Variants in ADHFE1 observed in about 807,000 individuals in gnomAD.
ADHFE1 encodes alcohol dehydrogenase iron containing 1, also known as hydroxyacid-oxoacid transhydrogenase, mitochondrial.
In ADHFE1, 37 loss-of-function variants were observed where a neutral mutation model predicts 54.8. The observed-to-expected ratio is 0.68, with a 90% CI of 0.52 to 0.89. The LOEUF (loss-of-function observed/expected upper bound fraction) is 0.89. Among genes scored for constraint, ADHFE1 ranks in the 40% least tolerant of loss-of-function variants. The pLI, the probability that ADHFE1 is intolerant of heterozygous loss-of-function variation, is 0.00. For synonymous variants in ADHFE1, 203 were observed against 229.3 expected (o/e 0.89, Z 1.04); for missense variants, 601 against 591.2 (o/e 1.02, Z -0.17).
chr8:66,433,300 G>C (rs1322189043), intron 1 of ADHFE1, among the ~76,000 whole-genome samples: 1 of 152,190 alleles, frequency 6.6e-6, no homozygotes, highest in African/African-American at 2.4e-5. Context: ...GCAGAGAGAA[G>C]AGCAACACCA....
chr8:66,468,561 A>AC lies in ADHFE1; in HGVS notation c.*214dup. 1 of 325,748 alleles carries AC rather than the reference A, an allele frequency of 3.1e-6. No homozygotes were observed. Among genetic ancestry groups the AC allele is most frequent in the Non-Finnish European group, 5.6e-6 (1 of 178,712 alleles). The allele number at this position is 325,748 out of a possible 1,614,324, so 20.2% of individuals were successfully genotyped here. A position where few individuals can be genotyped will look rare whatever the true frequency, so the allele number is the denominator to read the frequency against. On this transcript the variant is annotated 3_prime_UTR_variant, in exon 14 of 14. Transcript: ENST00000396623. ...GCTGGACAAATGACCACTATGTTAG[A>AC]CCCCCAGGCTCGACTTCAGGGGTCA...
Position 66,439,312 on chromosome 8 carries a change from T to C in ADHFE1, c.60-850T>C. 1.0e-6 allele frequency: 1 copy of C among 985,526 alleles called. No homozygotes were observed. Among genetic ancestry groups the C allele is most frequent in the Non-Finnish European group, 1.2e-6 (1 of 830,046 alleles). 61.0% of individuals were successfully genotyped at this position (985,526 alleles called of 1,614,324 possible). ...GACCCAACCACTGGACAAGGTCTTC[T>C]GGGCAACCCAACGAAACATAAAACC... On this transcript the variant is annotated intron_variant, in intron 1 of 13. Coordinates refer to ENST00000396623, the MANE Select transcript of ADHFE1 (RefSeq NM_144650.3). This position sits in a 1 kb window ranked among gnomAD's most constrained non-coding sequence, Gnocchi z 4.4.
chr8:66,458,714 C>T (rs1367492760), intron 12 of ADHFE1, among the ~76,000 whole-genome samples: 2 of 152,180 alleles, frequency 1.3e-5, no homozygotes, highest in African/African-American at 4.8e-5. Flanking sequence ...TTAATGTTAT[C>T]TACACTTAGC....
chr8:66,438,661 A>C lies in ADHFE1; in HGVS notation c.60-1501A>C, dbSNP rs145988376. Reference sequence around the variant, plus strand: ...CAGCAAATGTAGGTCGGGAGGAGAGAGAGGGAGAGTGAGCCCGCCAGAGGG... The same window carrying C: ...CAGCAAATGTAGGTCGGGAGGAGAGCGAGGGAGAGTGAGCCCGCCAGAGGG... On this transcript the variant is annotated intron_variant, in intron 1 of 13. Transcript: ENST00000396623. 6.3e-3 allele frequency among the ~76,000 whole-genome samples: 957 copies of C among 152,090 alleles called. 7 individuals are homozygous for C. The highest frequency in any genetic ancestry group is 0.022 in the African/African-American group (928 of 41,472).
intron 13 of ADHFE1, 81 bp from the exon 14 acceptor site, chr8:66,468,188 C>A: frequency 9.7e-7 from 1 of 1,035,244 alleles, no homozygotes; most frequent in Non-Finnish European, 1.4e-6. Context: ...TTCTTATGAC[C>A]AAGTTAATTT....
chr8:66,447,232 G>A, intron 6 of ADHFE1, 32 bp from the exon 7 acceptor site: 1 of 1,586,760 alleles, frequency 6.3e-7, no homozygotes, highest in Non-Finnish European at 8.6e-7. Flanking sequence ...TTATTTAGAT[G>A]CTTTATTAAA....
intron 6 of ADHFE1, among the ~76,000 whole-genome samples, chr8:66,446,009 T>C (rs1209035748): frequency 6.6e-6 from 1 of 152,368 alleles, no homozygotes. Flanking sequence ...CTGCCATTTT[T>C]ATGGATGCTA....
intron 2 of ADHFE1, among the ~76,000 whole-genome samples, chr8:66,442,374 G>C (rs1269063660): frequency 3.4e-5 from 5 of 148,058 alleles, no homozygotes; most frequent in Admixed American, 2.7e-4. Flanking sequence ...GCAGTGGCGC[G>C]ATCTCGGCTC....
intron 6 of ADHFE1, among the ~76,000 whole-genome samples, chr8:66,446,827 A>G (rs1474655528): frequency 1.3e-5 from 2 of 152,246 alleles, no homozygotes; most frequent in African/African-American, 4.8e-5. Flanking sequence ...ATATACATAC[A>G]TATTAATACA....
chr8:66,432,807 TA>T lies in ADHFE1; in HGVS notation c.59+235del, dbSNP rs1805271706. The T allele has an allele frequency of 4.9e-6, 6 of 1,227,042 alleles. No individual in the cohort carries two copies. In the South Asian group the frequency reaches 1.7e-4, roughly 35 times the overall value. The allele number at this position is 1,227,042 out of a possible 1,614,324, so 76.0% of individuals were successfully genotyped here. A position where few individuals can be genotyped will look rare whatever the true frequency, so the allele number is the denominator to read the frequency against. On this transcript the variant is annotated intron_variant, in intron 1 of 13. Transcript: ENST00000396623. ...AGCCTTTACTCTGCTTGTCTACCGT[TA>T]AAGAAACTGAGGCCCAGAGAGGACC... is the stretch of plus-strand genomic sequence containing the variant.
At chr8:66,453,334 C>T (rs1264067406) in intron 9 of ADHFE1, among the ~76,000 whole-genome samples, 1 of 152,132 alleles carries the variant, frequency 6.6e-6, no homozygotes, top group African/African-American at 2.4e-5. Flanking sequence ...AAAGGCTGTG[C>T]TTTTTTATTT....
intron 13 of ADHFE1, among the ~76,000 whole-genome samples, chr8:66,466,236 A>ATT (rs575459850): frequency 4.2e-5 from 5 of 119,646 alleles, no homozygotes; most frequent in Non-Finnish European, 6.7e-5. Flanking sequence ...ACCCAGCTGA[A>ATT]TTTTTTTTTT....
intron 13 of ADHFE1, among the ~76,000 whole-genome samples, chr8:66,466,553 A>ATACTG (rs200068965): frequency 1.3e-5 from 2 of 151,610 alleles, no homozygotes; most frequent in Non-Finnish European, 2.9e-5. Context: ...TACCAGACAA[A>ATACTG]ACAAATACCT....
intron 2 of ADHFE1, 83 bp from the exon 3 acceptor site, chr8:66,442,715 T>G (rs777953648): frequency 2.5e-6 from 3 of 1,200,686 alleles, no homozygotes; most frequent in African/African-American, 3.1e-5. Flanking sequence ...GAAATACTTA[T>G]GTTCACTGCT....
intron 1 of ADHFE1, among the ~76,000 whole-genome samples, chr8:66,437,114 G>T (rs953286824): frequency 7.2e-5 from 11 of 152,196 alleles, no homozygotes; most frequent in African/African-American, 2.7e-4. Flanking sequence ...CCGCTGAAGG[G>T]AAGGAGAGAG....
chr8:66,445,140 C>A, intron 5 of ADHFE1, 78 bp from the exon 6 acceptor site: 1 of 1,357,874 alleles, frequency 7.4e-7, no homozygotes, highest in South Asian at 1.4e-5. Context: ...ACAAAACTTA[C>A]CCCAAGCCTT....
intron 1 of ADHFE1, among the ~76,000 whole-genome samples, chr8:66,438,947 AT>A (rs796734621): frequency 2.0e-5 from 3 of 150,780 alleles, no homozygotes; most frequent in African/African-American, 7.3e-5. Flanking sequence ...TTGAGTTTGG[AT>A]TTTTTTTTCC....
chr8:66,448,832 C>G (rs1277839519), intron 7 of ADHFE1, 33 bp from the exon 8 acceptor site: 1 of 1,574,232 alleles, frequency 6.4e-7, no homozygotes, highest in East Asian at 2.2e-5. Context: ...ATGCCCATGG[C>G]TTTAGCCTCT....
chr8:66,467,515 T>C (rs2059640), intron 13 of ADHFE1, among the ~76,000 whole-genome samples: 85,833 of 151,782 alleles, frequency 0.57, 25,308 homozygotes, highest in African/African-American at 0.72. Flanking sequence ...GCCTCACAAG[T>C]TTCCCTTCCA....
Sources: gnomAD v4.1 joint callset for allele counts (sites outside exome capture counted in the v4.1 genomes callset) on GRCh38, gnomAD v4.1.1 for gene constraint, Gnocchi (gnomAD v3.1) non-coding constraint, MANE v1.5 for transcripts, NCBI Gene and HGNC (gene_info 2026-07-23, HGNC 2026-07-21) for gene names.